The following TIAM1 variants were observed in gnomAD, a reference collection of about 807,000 sequenced individuals.
TIAM1 encodes rho guanine nucleotide exchange factor TIAM1.
A neutral mutation model predicts 163.5 loss-of-function variants in TIAM1; 65 were observed. The observed-to-expected ratio is 0.40, with a 90% CI of 0.33 to 0.49. TIAM1 has a LOEUF of 0.49. TIAM1 is among the 20% of genes least tolerant of loss of function. The pLI is 0.77. For synonymous variants in TIAM1, 833 were observed against 810.1 expected, an observed-to-expected ratio of 1.03 and a Z score of -0.48; for missense variants, 1,789 against 2,044.7, an observed-to-expected ratio of 0.87 and a Z score of 2.41.
intron 2 of TIAM1, among the ~76,000 whole-genome samples, chr21:31,397,615 C>A (rs766033665): frequency 2.7e-4 from 41 of 152,306 alleles, no homozygotes; most frequent in South Asian, 6.2e-4. Context: ...GCTGGTGAAA[C>A]CTCATTCAAA....
chr21:31,534,312 TA>T (rs1179183821), intron 1 of TIAM1, among the ~76,000 whole-genome samples: 4 of 152,186 alleles, frequency 2.6e-5, no homozygotes, highest in Non-Finnish European at 5.9e-5. Flanking sequence ...CAACCAGACT[TA>T]ACAACAGGAA....
chr21:31,192,475 G>A (rs1044349341), intron 13 of TIAM1, among the ~76,000 whole-genome samples: 46 of 152,070 alleles, frequency 3.0e-4, no homozygotes, highest in Non-Finnish European at 5.4e-4. Context: ...AAATTAGCCA[G>A]GCATGGTGGC....
chr21:31,331,120 AC>A (rs2075665941), intron 2 of TIAM1, among the ~76,000 whole-genome samples: 1 of 152,216 alleles, frequency 6.6e-6, no homozygotes, highest in Non-Finnish European at 1.5e-5. Flanking sequence ...GCTAAAAAAA[AC>A]AAAAATGCTG....
At chr21:31,389,441 C>T (rs2076932736) in intron 2 of TIAM1, among the ~76,000 whole-genome samples, 1 of 152,056 alleles carries the variant, frequency 6.6e-6, no homozygotes, top group African/African-American at 2.4e-5. Flanking sequence ...ACTCCTGACC[C>T]CAGGTGATCT....
chr21:31,407,581 G>A (rs2077268022), intron 2 of TIAM1, among the ~76,000 whole-genome samples: 1 of 151,480 alleles, frequency 6.6e-6, no homozygotes, highest in Non-Finnish European at 1.5e-5. Flanking sequence ...CCAGTTCTAA[G>A]GTTAAGGATT....
intron 2 of TIAM1, among the ~76,000 whole-genome samples, chr21:31,316,936 A>G (rs982937376): frequency 6.6e-6 from 1 of 152,142 alleles, no homozygotes; most frequent in African/African-American, 2.4e-5. Context: ...AAGTCTACCT[A>G]ACTCAAATGG....
chr21:31,265,201 CTTTTTTTTT>C (rs781091105), intron 4 of TIAM1, among the ~76,000 whole-genome samples: 1 of 109,992 alleles, frequency 9.1e-6, no homozygotes, highest in Non-Finnish European at 1.8e-5. Flanking sequence ...CTTTCAAAAT[CTTTTTTTTT>C]TTTTTTTTTT....
chr21:31,321,262 A>T (rs961426176), intron 2 of TIAM1, among the ~76,000 whole-genome samples: 5 of 151,946 alleles, frequency 3.3e-5, no homozygotes, highest in African/African-American at 1.2e-4. Flanking sequence ...TCTGCCTCGG[A>T]CTCAGGCTCC....
chr21:31,359,284 A>T (rs533297269), intron 2 of TIAM1, among the ~76,000 whole-genome samples: 1 of 152,324 alleles, frequency 6.6e-6, no homozygotes, highest in South Asian at 2.1e-4. Flanking sequence ...TTTATTTTTT[A>T]ATAGTAATTC....
intron 1 of TIAM1, among the ~76,000 whole-genome samples, chr21:31,516,582 G>A (rs914357662): frequency 6.6e-5 from 10 of 150,932 alleles, no homozygotes; most frequent in Non-Finnish European, 1.2e-4. Context: ...TTGGTATAAC[G>A]TCCTCTTGCC....
intron 9 of TIAM1, among the ~76,000 whole-genome samples, chr21:31,217,148 A>G (rs539025580): frequency 6.6e-6 from 1 of 152,016 alleles, no homozygotes; most frequent in African/African-American, 2.4e-5. Context: ...TGGAGGTTGC[A>G]GTCAGCCAAG....
At chr21:31,369,710 A>C (rs1038398341) in intron 2 of TIAM1, among the ~76,000 whole-genome samples, 1 of 152,200 alleles carries the variant, frequency 6.6e-6, no homozygotes, top group Non-Finnish European at 1.5e-5. Context: ...TCAACTAAAA[A>C]TAAAAGGAAA....
At chr21:31,302,959 A>G (rs1327922355) in intron 2 of TIAM1, among the ~76,000 whole-genome samples, 2 of 152,194 alleles carry the variant, frequency 1.3e-5, no homozygotes, top group African/African-American at 4.8e-5. Flanking sequence ...AATCATATCA[A>G]TTTCCTAATC....
At chr21:31,504,614 G>C (rs757886345) in intron 1 of TIAM1, among the ~76,000 whole-genome samples, 2 of 152,208 alleles carry the variant, frequency 1.3e-5, no homozygotes, top group Non-Finnish European at 2.9e-5. Flanking sequence ...GCTCAACCCA[G>C]TGGAACCAAG....
intron 1 of TIAM1, among the ~76,000 whole-genome samples, chr21:31,557,693 G>A (rs1049170084): frequency 3.3e-5 from 5 of 152,222 alleles, no homozygotes; most frequent in African/African-American, 4.8e-5. Flanking sequence ...GCGGGGCCGC[G>A]CGGGTGTCAC....
rs2082230334 is a variant in TIAM1, at chr21:31,127,144, C to T, written c.4054G>A (p.Ala1352Thr). 6.2e-7 allele frequency: 1 copy of T among 1,613,852 alleles called. No individual in the cohort carries two copies. The highest frequency in any genetic ancestry group is 8.5e-7 in the Non-Finnish European group (1 of 1,179,754). Residue 1352 changes from alanine (A) to threonine (T), a missense_variant, in exon 26 of 28, where the codon GCA (alanine) becomes ACA (threonine). Around this residue, in one of 5 missense-constraint regions of TIAM1, gnomAD observed 415 missense variants for 439.2 expected, o/e 0.94. Transcript: ENST00000541036. ...VRALASADAEANAVCEIVHVK... is the reference protein window; with the variant it reads ...VRALASADAETNAVCEIVHVK... ...TGGACAATTTCACACACGGCATTTG[C>T]CTCTGCATCTAAAGAAATTAAAACA...
At chr21:31,411,471 CTTTTT>C (rs11362012) in intron 2 of TIAM1, among the ~76,000 whole-genome samples, 2 of 102,730 alleles carry the variant, frequency 1.9e-5, no homozygotes, top group African/African-American at 3.6e-5. Context: ...TCCCAAGAAA[CTTTTT>C]TTTTTTTTTT....
intron 1 of TIAM1, among the ~76,000 whole-genome samples, chr21:31,480,558 C>T (rs553546532): frequency 1.3e-5 from 2 of 152,228 alleles, no homozygotes; most frequent in African/African-American, 4.8e-5. Context: ...AAGAAACCAC[C>T]ACATTGCCGC....
chr21:31,406,592 G>A (rs60553546), intron 2 of TIAM1, among the ~76,000 whole-genome samples: 7,236 of 152,116 alleles, frequency 0.048, 341 homozygotes, highest in African/African-American at 0.12. Context: ...CAAACTCTAC[G>A]AATGCAAGAT....
Sources: gnomAD v4.1 joint callset for allele counts (sites outside exome capture counted in the v4.1 genomes callset) on GRCh38, gnomAD v4.1.1 for gene constraint, gnomAD v4.1.1 regional missense constraint, MANE v1.5 for transcripts, NCBI Gene and HGNC (gene_info 2026-07-23, HGNC 2026-07-21) for gene names.